Variants in GNPTAB observed in about 807,000 individuals in gnomAD.
GNPTAB encodes the protein N-acetylglucosamine-1-phosphate transferase subunits alpha and beta.
GNPTAB carries 92 observed loss-of-function variants against 136.6 expected under a neutral mutation model. That is an observed-to-expected ratio of 0.67 (90% CI 0.57 to 0.80). The LOEUF (loss-of-function observed/expected upper bound fraction) is 0.80. GNPTAB is among the 30% of genes least tolerant of loss of function. GNPTAB has a pLI of 0.00. For missense variants in GNPTAB, 1,343 were observed against 1,501.8 expected (o/e 0.89, Z 1.75); for synonymous variants, 512 against 535.1 (o/e 0.96, Z 0.60).
At chr12:101,760,802 C>G (rs1370047068) in intron 15 of GNPTAB, among the ~76,000 whole-genome samples, 1 of 139,632 alleles carries the variant, frequency 7.2e-6, no homozygotes, top group Non-Finnish European at 1.5e-5. Context: ...TTTTTTGAGA[C>G]AGAGTCTCAC....
At chr12:101,764,096 T>C (rs1184301812) in intron 13 of GNPTAB, 106 bp downstream of exon 13, 53 of 1,431,630 alleles carry the variant, frequency 3.7e-5, no homozygotes, top group Non-Finnish European at 4.7e-5. Flanking sequence ...TTTAGTTCCA[T>C]GGCCGGCACA....
intron 7 of GNPTAB, among the ~76,000 whole-genome samples, chr12:101,776,944 A>G (rs1036103442): frequency 6.6e-6 from 1 of 152,230 alleles, no homozygotes; most frequent in Non-Finnish European, 1.5e-5. Context: ...TTGAAGTCCA[A>G]TGTCTAACAG....
Position 101,766,202 on chromosome 12 carries a change from T to G in GNPTAB, c.1501A>C (p.Ser501Arg). ...CATCCCTGATTACAGTAAGAGACAC[T>G]GTTTATTCCTCCACCAAACTGCCAG... The part of the protein sequence containing the change: ...QPWQFGGGIN[S>R]VSYCNQGCAN... Residue 501 changes from serine to arginine, a missense_variant, in exon 12 of 21, where the codon AGT becomes CGT. Ser to Arg is a moderately radical substitution (Grantham distance 110). Coordinates refer to ENST00000299314, the MANE Select transcript of GNPTAB (RefSeq NM_024312.5). 6.2e-7 allele frequency: 1 copy of G among 1,614,136 alleles called. No homozygotes were observed. The highest frequency in any genetic ancestry group is 8.5e-7 in the Non-Finnish European group (1 of 1,179,986).
intron 1 of GNPTAB, among the ~76,000 whole-genome samples, chr12:101,801,539 CAAAAAAAAAAA>C (rs36066248): frequency 3.1e-4 from 13 of 42,594 alleles, no homozygotes; most frequent in Admixed American, 1.6e-3. Context: ...GACCCTGTCT[CAAAAAAAAAAA>C]AAAAAAAAAA....
intron 1 of GNPTAB, among the ~76,000 whole-genome samples, chr12:101,825,842 G>A (rs1448215524): frequency 6.6e-6 from 1 of 152,140 alleles, no homozygotes; most frequent in Non-Finnish European, 1.5e-5. Flanking sequence ...AAGTCCACAC[G>A]AAATAGATAA....
At position 101,830,571 on chromosome 12, in the gene GNPTAB, G is replaced by T. The variant is rs750883777; in HGVS notation, c.105C>A (p.Phe35Leu). ...CGCCGCTACTCACCTCTCCGAACTG[G>T]AAGGCGGAGACGATGGTGACAACGA... ...LGVVVTIVSA[F>L]QFGEVVLEWS... Residue 35 changes from phenylalanine to leucine, a missense_variant, in exon 1 of 21, where the codon TTC (phenylalanine) becomes TTA (leucine). Phe to Leu is a conservative substitution (Grantham distance 22). Coordinates refer to ENST00000299314, the MANE Select transcript of GNPTAB (RefSeq NM_024312.5). The T allele has an allele frequency of 5.6e-6, 9 of 1,607,930 alleles. No homozygotes were observed. Among genetic ancestry groups the T allele is most frequent in the Non-Finnish European group, 7.7e-6 (9 of 1,175,326 alleles).
chr12:101,798,605 TGAGA>T (rs1458407963), intron 1 of GNPTAB, among the ~76,000 whole-genome samples: 2 of 152,196 alleles, frequency 1.3e-5, no homozygotes, highest in African/African-American at 4.8e-5. Context: ...CGTTTGCAAT[TGAGA>T]GAGGTAAACA....
At position 101,757,290 on chromosome 12, in the gene GNPTAB, T is replaced by C. The variant is rs759703222; in HGVS notation, c.3356A>G (p.Glu1119Gly). 2 of 1,601,302 alleles carry C rather than the reference T, an allele frequency of 1.2e-6. No homozygotes were observed. The highest frequency in any genetic ancestry group is 1.7e-6 in the Non-Finnish European group (2 of 1,168,902). ...ACGAATCATTTTAAAAGCGATTTCT[T>C]CTTCTCCCATGATTTCAAACCTAAT... ...NKYRFEIMGE[E>G]EIAFKMIRTN... Residue 1119 changes from glutamate (E) to glycine (G), a missense_variant, in exon 18 of 21, where the codon GAA becomes GGA. By Grantham distance (98) the Glu-to-Gly change is moderately conservative. Transcript: ENST00000299314.
At chr12:101,795,795 C>G (rs1448771976) in intron 2 of GNPTAB, 5 of 152,168 alleles carry the variant, frequency 3.3e-5, no homozygotes, top group African/African-American at 1.2e-4. Flanking sequence ...AAATAAACAC[C>G]TTTTATAATG....
chr12:101,754,513 G>A (rs7957655), intron 18 of GNPTAB, among the ~76,000 whole-genome samples: 67,073 of 151,826 alleles, frequency 0.44, 15,041 homozygotes, highest in African/African-American at 0.52. Context: ...AAATAATTGA[G>A]AGAGAGAGAC....
At chr12:101,806,799 TAGAA>T (rs1213849809) in intron 1 of GNPTAB, among the ~76,000 whole-genome samples, 3 of 151,594 alleles carry the variant, frequency 2.0e-5, no homozygotes, top group Non-Finnish European at 2.9e-5. Context: ...CCTTCCAAAA[TAGAA>T]AGCCCCAGAC....
rs1434947887 is a variant in GNPTAB, at chr12:101,764,354, T to C, written c.2563A>G (p.Lys855Glu). ...TCCATTCTACTGTTCTCTTTTTCTT[T>C]CCCTGTGATTTTCTTTTCTTTTGTC... ...QMTKEKKITG[K>E]EKENSRMEEN... Residue 855 changes from lysine (K) to glutamate (E), a missense_variant, in exon 13 of 21, where the codon AAA becomes GAA. Physicochemically the swap from Lys to Glu is moderately conservative, Grantham distance 56 (BLOSUM62 1). Transcript: ENST00000299314. 6.2e-7 allele frequency: 1 copy of C among 1,614,124 alleles called. No homozygotes were observed. The highest frequency in any genetic ancestry group is 2.2e-5 in the East Asian group (1 of 44,884).
intron 2 of GNPTAB, among the ~76,000 whole-genome samples, chr12:101,795,582 G>A (rs1282968748): frequency 7.9e-5 from 12 of 151,772 alleles, no homozygotes; most frequent in Non-Finnish European, 1.5e-4. Flanking sequence ...ACGAAATTCC[G>A]TCTCTACTAA....
At position 101,761,241 on chromosome 12, in the gene GNPTAB, T is replaced by C. The variant is rs746529254; in HGVS notation, c.3021A>G (p.Pro1007=). ...CATCAAAGACTTGAGATATATTCAG[T>C]GGCTGCACTGCACTCATGAGATAAT... ...YFYYLMSAVQ[P]LNISQVFDEV... is the part of the protein sequence containing the mutation. Residue 1007 remains proline, a synonymous_variant, in exon 15 of 21, where the codon CCA becomes CCG. Coordinates refer to ENST00000299314, the MANE Select transcript of GNPTAB (RefSeq NM_024312.5). The C allele has an allele frequency of 6.2e-7, 1 of 1,613,794 alleles. No homozygotes were observed. Among genetic ancestry groups the C allele is most frequent in the Non-Finnish European group, 8.5e-7 (1 of 1,179,680 alleles).
rs73392459 is a variant in GNPTAB at position 101,751,218 on chromosome 12, C to T, written c.3603-2027G>A. ...GCCTTTGCACATGCCATTTCTTCTA[C>T]CAGGAATGCTCTTTCTTACATGGAA... On this transcript the variant is annotated intron_variant, in intron 19 of 20. Transcript: ENST00000299314. Among the ~76,000 whole-genome samples, 458 of 152,334 alleles carry T rather than the reference C, an allele frequency of 3.0e-3. 4 individuals carry two copies. The highest frequency in any genetic ancestry group is 0.01 in the African/African-American group (419 of 41,576).
chr12:101,804,011 C>T lies in GNPTAB; in HGVS notation c.118-7249G>A, dbSNP rs565852503. Reference sequence around the variant, plus strand: ...CTTTGGGAGGCCGAGGTGGGAGGATCGCTTGAGCCTGGAAGTTCAAGACCA... The same window carrying T: ...CTTTGGGAGGCCGAGGTGGGAGGATTGCTTGAGCCTGGAAGTTCAAGACCA... On this transcript the variant is annotated intron_variant, in intron 1 of 20. Coordinates refer to ENST00000299314, the MANE Select transcript of GNPTAB (RefSeq NM_024312.5). 1.3e-3 allele frequency among the ~76,000 whole-genome samples: 198 copies of T among 151,884 alleles called. 1 individual carries two copies. Among genetic ancestry groups the T allele is most frequent in the Non-Finnish European group, 2.5e-3 (167 of 67,950 alleles).
Position 101,757,311 on chromosome 12 carries a change from C to A in GNPTAB, c.3336-1G>T, listed in dbSNP as rs397507562. ...TTCTTCTTCTCCCATGATTTCAAAC[C>A]TAATTATCAAAACATATTTGAAGAG... On this transcript the variant is annotated splice_acceptor_variant, in intron 17 of 20. Transcript: ENST00000299314. LOFTEE classifies it high-confidence loss of function. 1 of 1,530,022 alleles carries A rather than the reference C, an allele frequency of 6.5e-7. No individual in the cohort carries two copies. The highest frequency in any genetic ancestry group is 1.4e-5 in the African/African-American group (1 of 73,186). The allele number at this position is 1,530,022 out of a possible 1,614,324, so 94.8% of individuals were successfully genotyped here. A position where few individuals can be genotyped will look rare whatever the true frequency, so the allele number is the denominator to read the frequency against.
At chr12:101,808,747 G>A (rs952458369) in intron 1 of GNPTAB, among the ~76,000 whole-genome samples, 1 of 152,162 alleles carries the variant, frequency 6.6e-6, no homozygotes, top group Non-Finnish European at 1.5e-5. Context: ...GGGAGTTCGA[G>A]ACCAGCCTGG....
intron 3 of GNPTAB, 35 bp downstream of exon 3, chr12:101,789,903 T>C (rs897180423): frequency 1.2e-6 from 2 of 1,602,928 alleles, no homozygotes; most frequent in African/African-American, 2.7e-5. Flanking sequence ...ATCGCCACAT[T>C]ACCCATCTGA....
Sources: allele counts gnomAD v4.1 joint callset (sites outside exome capture counted in the v4.1 genomes callset), GRCh38; gene constraint gnomAD v4.1.1; transcripts MANE v1.5; gene names NCBI Gene and HGNC (gene_info 2026-07-23, HGNC 2026-07-21).